The following MREG variants were observed in gnomAD, a reference collection of about 807,000 sequenced individuals.
MREG encodes the protein dilute suppressor protein homolog.
A neutral mutation model predicts 28.5 loss-of-function variants in MREG; 31 were observed. That is an observed-to-expected ratio of 1.09 (90% CI 0.82 to 1.47). The LOEUF (loss-of-function observed/expected upper bound fraction) is 1.47. MREG is among the 40% of genes most tolerant of loss of function. MREG has a pLI of 0.00. For synonymous variants in MREG, 106 were observed against 95.2 expected, an observed-to-expected ratio of 1.11 and a Z score of -0.66; for missense variants, 256 against 257.4, an observed-to-expected ratio of 0.99 and a Z score of 0.04.
intron 2 of MREG, among the ~76,000 whole-genome samples, chr2:215,969,181 G>A (rs998561886): frequency 2.0e-5 from 3 of 152,208 alleles, no homozygotes; most frequent in African/African-American, 7.2e-5. Context: ...TGTCTCGGGA[G>A]CTGCCTAAGA....
At chr2:215,980,847 G>A (rs1693407411) in intron 2 of MREG, among the ~76,000 whole-genome samples, 1 of 150,052 alleles carries the variant, frequency 6.7e-6, no homozygotes, top group Non-Finnish European at 1.5e-5. Flanking sequence ...GCAGAGAGGA[G>A]GGGAGGGGAG....
At chr2:215,965,299 T>C (rs1156886877) in intron 2 of MREG, among the ~76,000 whole-genome samples, 1 of 152,232 alleles carries the variant, frequency 6.6e-6, no homozygotes, top group African/African-American at 2.4e-5. Flanking sequence ...CTGAAAACAC[T>C]GTTGCTTCTG....
intron 1 of MREG, among the ~76,000 whole-genome samples, chr2:216,031,475 G>GAGAA (rs71047962): frequency 0.3 from 39,828 of 132,646 alleles, 6,313 homozygotes; most frequent in Admixed American, 0.4. Context: ...AAGAAAGAAA[G>GAGAA]AGAAAGAAAG....
intron 2 of MREG, among the ~76,000 whole-genome samples, chr2:215,993,387 G>T (rs988275876): frequency 6.6e-6 from 1 of 152,114 alleles, no homozygotes; most frequent in Non-Finnish European, 1.5e-5. Flanking sequence ...ACTGAAACTG[G>T]ACCCCTTCCT....
chr2:215,962,595 C>T (rs16855151), intron 2 of MREG, among the ~76,000 whole-genome samples: 5,739 of 152,226 alleles, frequency 0.038, 360 homozygotes, highest in African/African-American at 0.12. Flanking sequence ...ATAGCCAATT[C>T]GTTCAATTAG....
intron 1 of MREG, among the ~76,000 whole-genome samples, chr2:216,030,725 C>T (rs1362121543): frequency 6.9e-6 from 1 of 145,078 alleles, no homozygotes; most frequent in Non-Finnish European, 1.5e-5. Context: ...GTATTTCTTT[C>T]TTTCTTTTTT....
chr2:215,951,968 TC>T (rs1692499312), intron 2 of MREG, among the ~76,000 whole-genome samples: 1 of 152,218 alleles, frequency 6.6e-6, no homozygotes, highest in African/African-American at 2.4e-5. Flanking sequence ...CTACTCTGCT[TC>T]TACGGGTTTG....
chr2:216,019,706 C>G (rs1694494639), intron 1 of MREG, among the ~76,000 whole-genome samples: 1 of 152,050 alleles, frequency 6.6e-6, no homozygotes, highest in African/African-American at 2.4e-5. Context: ...CAGGGTTTCA[C>G]CATGTTACCA....
At chr2:216,010,628 A>C (rs1694276639) in intron 1 of MREG, among the ~76,000 whole-genome samples, 1 of 150,444 alleles carries the variant, frequency 6.6e-6, no homozygotes, top group African/African-American at 2.4e-5. Flanking sequence ...AAGTGCTGGG[A>C]TTACAGGCGT....
At position 215,955,602 on chromosome 2, in the gene MREG, C is replaced by T. The variant is rs80115025; in HGVS notation, c.256-8489G>A. Among the ~76,000 whole-genome samples, 1,155 of 152,292 alleles carry T rather than the reference C, an allele frequency of 7.6e-3. 6 individuals are homozygous for T. Among genetic ancestry groups the T allele is most frequent in the Non-Finnish European group, 0.011 (779 of 68,016 alleles). On this transcript the variant is annotated intron_variant, in intron 2 of 4. Transcript: ENST00000263268. ...CTTGGCAAAATGAATTCTTTGAATA[C>T]GATGACTGTTGTCTCTTTCCTTTCA...
At chr2:215,975,923 T>G (rs1693244006) in intron 2 of MREG, among the ~76,000 whole-genome samples, 1 of 152,038 alleles carries the variant, frequency 6.6e-6, no homozygotes, top group Non-Finnish European at 1.5e-5. Context: ...CTGTCTCTAC[T>G]AAAAATACAA....
intron 1 of MREG, among the ~76,000 whole-genome samples, chr2:215,997,947 T>C (rs1693912858): frequency 6.6e-6 from 1 of 152,092 alleles, no homozygotes; most frequent in Admixed American, 6.6e-5. Flanking sequence ...CCCACCCAGC[T>C]AGGGAGGGGC....
intron 2 of MREG, among the ~76,000 whole-genome samples, chr2:215,968,396 C>A (rs1271399427): frequency 3.9e-5 from 6 of 152,156 alleles, no homozygotes; most frequent in African/African-American, 9.7e-5. Flanking sequence ...ACAACAGAAC[C>A]CCAACATAAA....
chr2:215,947,255 G>T, intron 2 of MREG, 142 bp from the exon 3 acceptor site: 1 of 609,980 alleles, frequency 1.6e-6, no homozygotes, highest in Middle Eastern at 3.1e-4. Flanking sequence ...GAAGGAGATG[G>T]ATGAGATAAA....
chr2:215,967,810 C>T (rs1454732115), intron 2 of MREG, among the ~76,000 whole-genome samples: 1 of 152,118 alleles, frequency 6.6e-6, no homozygotes, highest in African/African-American at 2.4e-5. Context: ...AAATAGGCAG[C>T]AAACTGGATT....
chr2:215,961,120 G>A (rs920112800), intron 2 of MREG, among the ~76,000 whole-genome samples: 3 of 152,226 alleles, frequency 2.0e-5, no homozygotes, highest in East Asian at 3.9e-4. Flanking sequence ...TTGGAGTAGC[G>A]GTTGGCAGGG....
At chr2:216,029,648 G>A (rs1390937495) in intron 1 of MREG, among the ~76,000 whole-genome samples, 1 of 152,208 alleles carries the variant, frequency 6.6e-6, no homozygotes, top group Non-Finnish European at 1.5e-5. Flanking sequence ...AGGATGCTAA[G>A]TCATGCTCAC....
chr2:215,961,206 C>A (rs1215899637), intron 2 of MREG, among the ~76,000 whole-genome samples: 1 of 152,230 alleles, frequency 6.6e-6, no homozygotes, highest in Non-Finnish European at 1.5e-5. Context: ...TAACTCCCAA[C>A]AATGGTTGGC....
chr2:215,984,307 T>G (rs1005341084), intron 2 of MREG, among the ~76,000 whole-genome samples: 5 of 152,058 alleles, frequency 3.3e-5, no homozygotes, highest in African/African-American at 1.2e-4. Flanking sequence ...AAGGTGAGAT[T>G]TGAGTGGGGA....
Sources: allele counts gnomAD v4.1 joint callset (sites outside exome capture counted in the v4.1 genomes callset), GRCh38; gene constraint gnomAD v4.1.1; transcripts MANE v1.5; gene names NCBI Gene and HGNC (gene_info 2026-07-23, HGNC 2026-07-21).